The following IFT57 variants were observed in gnomAD, a reference collection of about 807,000 sequenced individuals.
IFT57 encodes intraflagellar transport protein 57 homolog.
A neutral mutation model predicts 56.8 loss-of-function variants in IFT57; 59 were observed. That is an observed-to-expected ratio of 1.04 (90% CI 0.84 to 1.29). IFT57 has a LOEUF of 1.29. IFT57 is among the 50% of genes most tolerant of loss of function. The pLI is 0.00. For missense variants in IFT57, 470 were observed against 522.1 expected, an observed-to-expected ratio of 0.90 and a Z score of 0.97; for synonymous variants, 209 against 186.1, an observed-to-expected ratio of 1.12 and a Z score of -1.00.
intron 6 of IFT57, among the ~76,000 whole-genome samples, chr3:108,184,512 A>G (rs2080169138): frequency 2.7e-5 from 4 of 150,090 alleles, no homozygotes; most frequent in Admixed American, 1.3e-4. Context: ...ACTACCATAA[A>G]TATACAAAAA....
At chr3:108,190,520 AAAG>A (rs1345732317) in intron 6 of IFT57, among the ~76,000 whole-genome samples, 15 of 152,320 alleles carry the variant, frequency 9.8e-5, no homozygotes, top group African/African-American at 3.1e-4. Context: ...GCGGCCTTGT[AAAG>A]AAGATGCCTT....
At chr3:108,175,077 C>T (rs1405167986) in intron 6 of IFT57, among the ~76,000 whole-genome samples, 2 of 151,688 alleles carry the variant, frequency 1.3e-5, no homozygotes, top group Admixed American at 6.6e-5. Flanking sequence ...TTACATAATG[C>T]TTTTTTGGGG....
intron 4 of IFT57, among the ~76,000 whole-genome samples, chr3:108,208,731 G>T (rs1202104022): frequency 6.6e-6 from 1 of 152,160 alleles, no homozygotes; most frequent in Non-Finnish European, 1.5e-5. Flanking sequence ...TGATTGAACA[G>T]AAATTAAGAC....
intron 6 of IFT57, among the ~76,000 whole-genome samples, chr3:108,181,802 C>A (rs2108314098): frequency 6.6e-6 from 1 of 152,164 alleles, no homozygotes; most frequent in East Asian, 1.9e-4. Flanking sequence ...CACGTGGAGA[C>A]CGACTTATTG....
rs2080215260 is a variant in IFT57 at position 108,191,575 on chromosome 3, T to C, written c.723A>G (p.Leu241=). The change falls in exon 6 of 11, where the codon CTA becomes CTG. Residue 241 remains leucine (L), a synonymous_variant. Coordinates refer to ENST00000264538, the MANE Select transcript of IFT57 (RefSeq NM_018010.4). ...GTTGCGGTAGTACACGTTCCACTTC[T>C]AGGCTCCATTCTGCAGCATCTGTTG... ...ESTTDAAEWS[L]EVERVLPQLK... is the part of the protein sequence containing the mutation. 3 of 1,609,848 alleles carry C rather than the reference T, an allele frequency of 1.9e-6. No individual in the cohort carries two copies. Among genetic ancestry groups the C allele is most frequent in the African/African-American group, 1.3e-5 (1 of 74,812 alleles).
At chr3:108,188,285 T>A (rs1230104811) in intron 6 of IFT57, among the ~76,000 whole-genome samples, 2 of 152,208 alleles carry the variant, frequency 1.3e-5, no homozygotes, top group Non-Finnish European at 2.9e-5. Flanking sequence ...TTCTGAGGCA[T>A]GAGAAACTTT....
chr3:108,194,152 A>G (rs1576041281), intron 5 of IFT57, among the ~76,000 whole-genome samples: 1 of 152,218 alleles, frequency 6.6e-6, no homozygotes, highest in East Asian at 1.9e-4. Flanking sequence ...ATTCAGTAAC[A>G]TTATAGGGAA....
At chr3:108,169,266 GT>G (rs1162025926) in intron 6 of IFT57, among the ~76,000 whole-genome samples, 4 of 151,662 alleles carry the variant, frequency 2.6e-5, no homozygotes, top group East Asian at 1.9e-4. Context: ...TTTATCATAT[GT>G]TTTTTGGCCA....
At position 108,219,391 on chromosome 3, in the gene IFT57, A is replaced by T; in HGVS notation, c.375+19T>A. On this transcript the variant is annotated intron_variant, in intron 2 of 10. Transcript: ENST00000264538. ...TCATAACTTGAGAACAAGGAAAAAG[A>T]AGGGTCGTTTACACTTACAAATGAC... The T allele has an allele frequency of 6.3e-7, 1 of 1,598,314 alleles. No homozygotes were observed. The highest frequency in any genetic ancestry group is 1.1e-5 in the South Asian group (1 of 90,580).
At chr3:108,187,375 T>A (rs754724923) in intron 6 of IFT57, among the ~76,000 whole-genome samples, 3 of 152,144 alleles carry the variant, frequency 2.0e-5, no homozygotes, top group African/African-American at 7.2e-5. Context: ...ATGGTGAATA[T>A]ACAAAATAAA....
chr3:108,165,729 T>G (rs1238563620), intron 8 of IFT57, among the ~76,000 whole-genome samples: 1 of 152,074 alleles, frequency 6.6e-6, no homozygotes, highest in Non-Finnish European at 1.5e-5. Context: ...ACAAACTGAC[T>G]GTGTACCTCG....
At chr3:108,176,462 CCTTT>C (rs1422280228) in intron 6 of IFT57, among the ~76,000 whole-genome samples, 1 of 151,768 alleles carries the variant, frequency 6.6e-6, no homozygotes, top group African/African-American at 2.4e-5. Context: ...TCCTTCATTT[CCTTT>C]CTTTGTCACC....
At position 108,166,899 on chromosome 3, in the gene IFT57, C is replaced by T. The variant is rs2080066370; in HGVS notation, c.936G>A (p.Glu312=). The change falls in exon 8 of 11, where the codon GAG becomes GAA. Residue 312 remains glutamate (E), a synonymous_variant. Transcript: ENST00000264538. Reference sequence around the variant, plus strand: ...CTGCACGATATTCTTGAACCAAATTCTCAAGCTGATTGTTGATGTACTTTT... The same window carrying T: ...CTGCACGATATTCTTGAACCAAATTTTCAAGCTGATTGTTGATGTACTTTT... ...SREKYINNQL[E]NLVQEYRAAQ... The T allele has an allele frequency of 6.2e-7, 1 of 1,611,564 alleles. No homozygotes were observed. The highest frequency in any genetic ancestry group is 8.5e-7 in the Non-Finnish European group (1 of 1,178,558).
chr3:108,185,365 A>T (rs994577983), intron 6 of IFT57, among the ~76,000 whole-genome samples: 3 of 152,158 alleles, frequency 2.0e-5, no homozygotes, highest in African/African-American at 7.2e-5. Flanking sequence ...AAATGTCAAG[A>T]TAACAGGAGA....
At chr3:108,166,385 T>C (rs529359202) in intron 8 of IFT57, among the ~76,000 whole-genome samples, 1 of 152,222 alleles carries the variant, frequency 6.6e-6, no homozygotes, top group South Asian at 2.1e-4. Context: ...TGTCTCATTT[T>C]ATTAATTAAA....
chr3:108,214,575 T>C (rs997452633), intron 3 of IFT57, among the ~76,000 whole-genome samples: 8 of 152,144 alleles, frequency 5.3e-5, no homozygotes, highest in Admixed American at 5.2e-4. Context: ...CAAACAATAC[T>C]GAAGGAGAGT....
chr3:108,213,173 A>G (rs1306304613), intron 4 of IFT57, among the ~76,000 whole-genome samples: 1 of 152,182 alleles, frequency 6.6e-6, no homozygotes, highest in Admixed American at 6.5e-5. Flanking sequence ...TAAGGCTTCA[A>G]GTCAACAGTA....
chr3:108,178,630 T>G (rs562151674), intron 6 of IFT57, among the ~76,000 whole-genome samples: 1 of 151,858 alleles, frequency 6.6e-6, no homozygotes, highest in African/African-American at 2.4e-5. Context: ...AATAAGCTTA[T>G]GAAAAAGTGG....
intron 6 of IFT57, among the ~76,000 whole-genome samples, chr3:108,172,123 C>T (rs866409376): frequency 2.6e-5 from 4 of 151,824 alleles, no homozygotes; most frequent in African/African-American, 7.3e-5. Flanking sequence ...GGTATAACTA[C>T]GATAGTGTAC....
Sources: allele counts gnomAD v4.1 joint callset (sites outside exome capture counted in the v4.1 genomes callset), GRCh38; gene constraint gnomAD v4.1.1; transcripts MANE v1.5; gene names NCBI Gene and HGNC (gene_info 2026-07-23, HGNC 2026-07-21).